The following PRAMEF4 variants were observed in gnomAD, a reference collection of about 807,000 sequenced individuals.
PRAMEF4 encodes PRAME family member 4, also known as RP5-845O24.6.
In PRAMEF4, 18 loss-of-function variants were observed where a neutral mutation model predicts 34.4. That is an observed-to-expected ratio of 0.52 (90% CI 0.36 to 0.78). The LOEUF (loss-of-function observed/expected upper bound fraction) is 0.78. Among genes scored for constraint, PRAMEF4 ranks in the 30% least tolerant of loss-of-function variants. PRAMEF4 has a pLI of 0.00. For synonymous variants in PRAMEF4, 156 were observed against 219.3 expected, an observed-to-expected ratio of 0.71 and a Z score of 2.55; for missense variants, 482 against 569.1, an observed-to-expected ratio of 0.85 and a Z score of 1.56.
At chr1:12,885,140 G>C (rs1241806810) in intron 1 of PRAMEF4, among the ~76,000 whole-genome samples, 2 of 150,602 alleles carry the variant, frequency 1.3e-5, no homozygotes, top group East Asian at 1.9e-4. Flanking sequence ...ATTGTTTTTG[G>C]TGCTGAGGGA....
Position 12,882,485 on chromosome 1 carries a change from C to T in PRAMEF4, c.294-50G>A, listed in dbSNP as rs2994080. On this transcript the variant is annotated intron_variant, in intron 2 of 3. Transcript: ENST00000235349. ...GAGAATTTCAGAACTCATTTCTGAA[C>T]TTAAACTCCACATCCTGGATAGCAG... 3,323 of 1,577,736 alleles carry T rather than the reference C, an allele frequency of 2.1e-3. 19 individuals are homozygous for T. The highest frequency in any genetic ancestry group is 2.0e-3 in the Non-Finnish European group (2,382 of 1,162,796).
Position 12,881,559 on chromosome 1 carries a change from C to T in PRAMEF4, c.875+295G>A, listed in dbSNP as rs965271019. Among the ~76,000 whole-genome samples, 35 of 145,506 alleles carry T rather than the reference C, an allele frequency of 2.4e-4. 3 individuals are homozygous for T. Among genetic ancestry groups the T allele is most frequent in the Admixed American group, 9.2e-4 (13 of 14,088 alleles). On this transcript the variant is annotated intron_variant, in intron 3 of 3. Coordinates refer to ENST00000235349, the MANE Select transcript of PRAMEF4 (RefSeq NM_001009611.4). ...TTTTCATCATCTTAACTTAGACACA[C>T]GTCCTCAGGAAGAATTCAGAAAGGC...
In PRAMEF4 at chr1:12,883,138, C is replaced by A. The variant is rs1640925393; in HGVS notation, c.257G>T (p.Gly86Val). The change falls in exon 2 of 4, where the codon GGG becomes GTG. Residue 86 changes from glycine (G) to valine (V), a missense_variant. This residue lies in a region of PRAMEF4 where 172 missense variants were observed against 130.2 expected (regional missense o/e 1.32). Coordinates refer to ENST00000235349, the MANE Select transcript of PRAMEF4 (RefSeq NM_001009611.4). ...CCCTAGGTTAAGCAGTGCATCCAGCCCATCGAGCACAGCTTGGAAGGCCTC... is the reference window on the plus strand; with the variant it reads ...CCCTAGGTTAAGCAGTGCATCCAGCACATCGAGCACAGCTTGGAAGGCCTC... The part of the protein sequence containing the change: ...CLEAFQAVLD[G>V]LDALLNLGVR... 1.9e-6 allele frequency: 3 copies of A among 1,601,620 alleles called. No homozygotes were observed. The highest frequency in any genetic ancestry group is 2.6e-6 in the Non-Finnish European group (3 of 1,174,272).
In PRAMEF4 at chr1:12,879,345, C is replaced by T. The variant is rs1963143; in HGVS notation, c.*199G>A. 44 of 783,654 alleles carry T rather than the reference C, an allele frequency of 5.6e-5. 1 individual carries two copies. Among genetic ancestry groups the T allele is most frequent in the Middle Eastern group, 3.8e-4 (1 of 2,606 alleles). The allele number at this position is 783,654 out of a possible 1,614,324, so 48.5% of individuals were successfully genotyped here. On this transcript the variant is annotated 3_prime_UTR_variant, in exon 4 of 4. Coordinates refer to ENST00000235349, the MANE Select transcript of PRAMEF4 (RefSeq NM_001009611.4). ...ATTTTCGACTCTACAGGACACAGGT[C>T]CCCAAAGTCCCATCGAATCCATGGC...
At chr1:12,883,431 A>C in intron 1 of PRAMEF4, 21 bp from the exon 2 acceptor site, 1 of 1,600,962 alleles carries the variant, frequency 6.2e-7, no homozygotes. Context: ...ACAAACCCAG[A>C]GAAAAGGCAT....
At chr1:12,882,513 C>A (rs1172438972) in intron 2 of PRAMEF4, 78 bp from the exon 3 acceptor site, 1 of 1,539,706 alleles carries the variant, frequency 6.5e-7, no homozygotes, top group African/African-American at 1.4e-5. Flanking sequence ...GATAGCAGCT[C>A]CTCCCCTCCC....
intron 1 of PRAMEF4, among the ~76,000 whole-genome samples, chr1:12,884,595 G>C (rs1170632049): frequency 6.8e-6 from 1 of 147,428 alleles, no homozygotes; most frequent in African/African-American, 2.5e-5. Flanking sequence ...TGCGCCTGTA[G>C]TCCAAGCTAC....
chr1:12,881,104 G>C (rs867581178), intron 3 of PRAMEF4, among the ~76,000 whole-genome samples: 1 of 145,300 alleles, frequency 6.9e-6, no homozygotes, highest in Admixed American at 7.1e-5. Context: ...GGTAGCTCTC[G>C]CCTATAATCC....
At position 12,883,096 on chromosome 1, in the gene PRAMEF4, C is replaced by T. The variant is rs772738865; in HGVS notation, c.293+6G>A. ...CCTCCCCACCAGCCCACCTGGGCCA[C>T]CTCACCTGGGACGAACCCCTAGGTT... On this transcript the variant is annotated splice_donor_region_variant and intron_variant, in intron 2 of 3. Transcript: ENST00000235349. 3 of 1,600,734 alleles carry T rather than the reference C, an allele frequency of 1.9e-6. No individual in the cohort carries two copies. The highest frequency in any genetic ancestry group is 2.6e-6 in the Non-Finnish European group (3 of 1,174,098).
chr1:12,883,347 C>A lies in PRAMEF4; in HGVS notation c.48G>T (p.Gly16=), dbSNP rs1030498997. 3.7e-6 allele frequency: 6 copies of A among 1,600,672 alleles called. 1 individual carries two copies. The highest frequency in any genetic ancestry group is 5.1e-6 in the Non-Finnish European group (6 of 1,173,562). The change falls in exon 2 of 4, where the codon GGG becomes GGT. Residue 16 remains glycine, a synonymous_variant. Transcript: ENST00000235349. ...WTPPRLLELA[G]RSLLRDQALA... is the part of the protein sequence containing the mutation. ...AAGCTTGGTCCCTTAGCAGGCTCCG[C>A]CCTGCAAGCTCCAGGAGTCTGGGTG...
intron 3 of PRAMEF4, among the ~76,000 whole-genome samples, chr1:12,881,560 G>A (rs138280829): frequency 0.1 from 14,320 of 139,636 alleles, 1,234 homozygotes; most frequent in Middle Eastern, 0.18. Context: ...TTAGACACAC[G>A]TCCTCAGGAA....
In PRAMEF4 at chr1:12,882,449, G is replaced by A. The variant is rs780793814; in HGVS notation, c.294-14C>T. ...AGTTTCCACCTCCTGTGGGAAAATA[G>A]AGGTGAGACTGAGAATTTCAGAACT... On this transcript the variant is annotated splice_polypyrimidine_tract_variant and intron_variant, in intron 2 of 3. Transcript: ENST00000235349. The A allele has an allele frequency of 1.4e-5, 23 of 1,586,536 alleles. No homozygotes were observed. In the Admixed American group the frequency reaches 1.6e-4, roughly 11 times the overall value.
At chr1:12,885,574 T>A (rs1293179390) in intron 1 of PRAMEF4, among the ~76,000 whole-genome samples, 2 of 147,282 alleles carry the variant, frequency 1.4e-5, no homozygotes, top group African/African-American at 5.1e-5. Flanking sequence ...TGAGGTCAGG[T>A]GTTCGAGACC....
rs1640845566 is a variant in PRAMEF4, at chr1:12,879,631, G to C, written c.1350C>G (p.Pro450=). The C allele has an allele frequency of 1.3e-6, 2 of 1,597,322 alleles. No individual in the cohort carries two copies. Among genetic ancestry groups the C allele is most frequent in the African/African-American group, 1.4e-5 (1 of 72,350 alleles). Residue 450 remains proline, a synonymous_variant, in exon 4 of 4, where the codon CCC becomes CCG. Coordinates refer to ENST00000235349, the MANE Select transcript of PRAMEF4 (RefSeq NM_001009611.4). ...LMNRVRDLRH[P]KRILFCTDYC... is the part of the protein sequence containing the mutation. The stretch of plus-strand genomic sequence containing the variant: ...AGTCAGTACAGAACAAGATCCTCTT[G>C]GGGTGCCTTAAGTCCCTCACTCTGT...
chr1:12,882,997 C>A, intron 2 of PRAMEF4, 105 bp downstream of exon 2: 2 of 1,514,310 alleles, frequency 1.3e-6, no homozygotes, highest in South Asian at 1.2e-5. Flanking sequence ...CTCTCGGCTT[C>A]CTCACCACCA....
rs556124779 is a variant in PRAMEF4, at chr1:12,883,663, C to G, written c.-16-253G>C. ...TTCTATCCAGTGCTCCATCCAGTGACTAGTGAGTGTGGAGGAACCTGAAAG... is the reference window on the plus strand; with the variant it reads ...TTCTATCCAGTGCTCCATCCAGTGAGTAGTGAGTGTGGAGGAACCTGAAAG... On this transcript the variant is annotated intron_variant, in intron 1 of 3. Coordinates refer to ENST00000235349, the MANE Select transcript of PRAMEF4 (RefSeq NM_001009611.4). 1.5e-4 allele frequency among the ~76,000 whole-genome samples: 22 copies of G among 148,096 alleles called. 1 individual carries two copies. The highest frequency in any genetic ancestry group is 5.2e-4 in the African/African-American group (21 of 40,106).
intron 1 of PRAMEF4, among the ~76,000 whole-genome samples, chr1:12,884,005 C>A (rs1640945775): frequency 2.1e-5 from 3 of 144,566 alleles, no homozygotes; most frequent in Non-Finnish European, 1.5e-5. Flanking sequence ...CTCTCTTTCT[C>A]TCTCTCCCTC....
chr1:12,886,023 C>G (rs1311910740), intron 1 of PRAMEF4, 124 bp downstream of exon 1: 13 of 42,996 alleles, frequency 3.0e-4, no homozygotes, highest in Admixed American at 1.7e-3. Flanking sequence ...TCCAATTGTT[C>G]ATATAAAAAA....
At chr1:12,885,120 G>A (rs1048434123) in intron 1 of PRAMEF4, among the ~76,000 whole-genome samples, 1 of 150,806 alleles carries the variant, frequency 6.6e-6, no homozygotes, top group Admixed American at 6.7e-5. Flanking sequence ...ATGATCACCT[G>A]GGTCATATAA....
Sources: allele counts gnomAD v4.1 joint callset (sites outside exome capture counted in the v4.1 genomes callset), GRCh38; gene constraint gnomAD v4.1.1; regional missense constraint gnomAD v4.1.1; transcripts MANE v1.5; gene names NCBI Gene and HGNC (gene_info 2026-07-23, HGNC 2026-07-21).